Variants in RPS6KA2 observed in about 807,000 individuals in gnomAD.
RPS6KA2 encodes ribosomal protein S6 kinase alpha-2.
RPS6KA2 carries 42 observed loss-of-function variants against 91.8 expected under a neutral mutation model. The ratio of observed to expected loss-of-function variants is 0.46; its 90% CI spans 0.36 to 0.59. The LOEUF is 0.59. RPS6KA2 is among the 20% of genes least tolerant of loss of function. The probability of loss-of-function intolerance (pLI) is 0.00; values close to 1 mark genes in which losing one functional copy is unlikely to be tolerated. For synonymous variants in RPS6KA2, 414 were observed against 393.6 expected, an observed-to-expected ratio of 1.05 and a Z score of -0.61; for missense variants, 798 against 978.5, an observed-to-expected ratio of 0.82 and a Z score of 2.46.
chr6:166,478,637 G>A (rs977921876), intron 10 of RPS6KA2, among the ~76,000 whole-genome samples: 1 of 152,160 alleles, frequency 6.6e-6, no homozygotes, highest in Non-Finnish European at 1.5e-5. Context: ...TGGCTCCTCG[G>A]CTATTGTGCA....
At chr6:166,523,868 G>A (rs1215988666) in intron 3 of RPS6KA2, among the ~76,000 whole-genome samples, 4 of 152,174 alleles carry the variant, frequency 2.6e-5, no homozygotes, top group South Asian at 4.1e-4. Flanking sequence ...GGCTAACTCC[G>A]AGGAGGTTCT....
At position 166,767,003 on chromosome 6, in the gene RPS6KA2, G is replaced by A. The variant is rs1329604619; in HGVS notation, c.123+91197C>T. Among the ~76,000 whole-genome samples the A allele has an allele frequency of 6.6e-6, 1 of 151,964 alleles. No homozygotes were observed. The highest frequency in any genetic ancestry group is 1.5e-5 in the Non-Finnish European group (1 of 68,002). On this transcript the variant is annotated intron_variant, in intron 2 of 21. Coordinates refer to the RPS6KA2 transcript ENST00000503859. The surrounding 1 kb of genome is among the most constrained non-coding windows in gnomAD (Gnocchi z 4.6). ...CCAAAGAATGTGCCTCCCCACCCCCGAACCCTGCTGCACCCAGAAGTCTGC... is the reference window on the plus strand; with the variant it reads ...CCAAAGAATGTGCCTCCCCACCCCCAAACCCTGCTGCACCCAGAAGTCTGC...
At chr6:166,763,661 TC>T (rs1778230078) in intron 2 of RPS6KA2, among the ~76,000 whole-genome samples, 1 of 152,220 alleles carries the variant, frequency 6.6e-6, no homozygotes. Flanking sequence ...GAAAGAGCTG[TC>T]AATTTCTTTA....
intron 1 of RPS6KA2, among the ~76,000 whole-genome samples, chr6:166,550,808 C>T (rs577207099): frequency 5.9e-5 from 9 of 152,048 alleles, no homozygotes; most frequent in Middle Eastern, 3.4e-3. Flanking sequence ...CGACACCATC[C>T]TGGCTAACAC....
chr6:166,773,546 C>T (rs1324532548), intron 2 of RPS6KA2, among the ~76,000 whole-genome samples: 4 of 151,988 alleles, frequency 2.6e-5, no homozygotes, highest in East Asian at 1.9e-4. Context: ...GGATTACAGG[C>T]GCCCACCACC....
rs968666282 is a variant in RPS6KA2 at position 166,767,903 on chromosome 6, C to T, written c.123+90297G>A. Among the ~76,000 whole-genome samples the T allele has an allele frequency of 3.3e-5, 5 of 152,174 alleles. No individual in the cohort carries two copies. The highest frequency in any genetic ancestry group is 6.8e-3 in the Middle Eastern group (2 of 294). On this transcript the variant is annotated intron_variant, in intron 2 of 21. Coordinates refer to the RPS6KA2 transcript ENST00000503859. The surrounding 1 kb of genome is among the most constrained non-coding windows in gnomAD (Gnocchi z 4.6). ...CTGCTCTCACTGTTTGGGTGCAAACCTTGGGGGTTTTATTTTTCCACGACT... is the reference window on the plus strand; with the variant it reads ...CTGCTCTCACTGTTTGGGTGCAAACTTTGGGGGTTTTATTTTTCCACGACT...
chr6:166,764,131 G>A (rs1249669238), intron 2 of RPS6KA2, among the ~76,000 whole-genome samples: 3 of 152,198 alleles, frequency 2.0e-5, no homozygotes, highest in Non-Finnish European at 4.4e-5. Context: ...ACCACGCGGT[G>A]CTGGGACTCC....
At chr6:166,572,092 A>T (rs1431542829) in intron 1 of RPS6KA2, among the ~76,000 whole-genome samples, 2 of 152,226 alleles carry the variant, frequency 1.3e-5, no homozygotes, top group African/African-American at 4.8e-5. Flanking sequence ...TTAAACACAA[A>T]ATTCTATGTT....
intron 1 of RPS6KA2, among the ~76,000 whole-genome samples, chr6:166,607,742 A>T (rs1786005962): frequency 6.6e-6 from 1 of 152,240 alleles, no homozygotes; most frequent in Non-Finnish European, 1.5e-5. Flanking sequence ...GGTGAATTGT[A>T]TGGTATGTGA....
At chr6:166,725,373 ATAT>A (rs1302544522) in intron 2 of RPS6KA2, among the ~76,000 whole-genome samples, 1 of 152,326 alleles carries the variant, frequency 6.6e-6, no homozygotes, top group East Asian at 1.9e-4. Context: ...CAAAATGTAA[ATAT>A]TATAATGACA....
At chr6:166,625,323 ACCCCCCCAC>A (rs1295190563) in intron 1 of RPS6KA2, among the ~76,000 whole-genome samples, 1 of 30,350 alleles carries the variant, frequency 3.3e-5, no homozygotes, top group Non-Finnish European at 6.2e-5. Context: ...TATTCCCACC[ACCCCCCCAC>A]CCCCCCCCCC....
intron 5 of RPS6KA2, among the ~76,000 whole-genome samples, chr6:166,507,173 G>A (rs893795360): frequency 6.6e-6 from 1 of 152,082 alleles, no homozygotes; most frequent in African/African-American, 2.4e-5. Flanking sequence ...AGGATGGAAA[G>A]TGAGACCCTG....
chr6:166,792,002 A>G (rs1057465949), intron 2 of RPS6KA2, among the ~76,000 whole-genome samples: 1 of 152,166 alleles, frequency 6.6e-6, no homozygotes, highest in African/African-American at 2.4e-5. Context: ...GAAGGCAAGA[A>G]ATAACTAAGA....
At chr6:166,501,570 G>A (rs556508980) in intron 6 of RPS6KA2, among the ~76,000 whole-genome samples, 1 of 152,340 alleles carries the variant, frequency 6.6e-6, no homozygotes, top group South Asian at 2.1e-4. Context: ...TGCCGGACGT[G>A]ACAGTTGCCT....
At chr6:166,739,434 C>G (rs1790751388) in intron 2 of RPS6KA2, among the ~76,000 whole-genome samples, 1 of 152,204 alleles carries the variant, frequency 6.6e-6, no homozygotes, top group African/African-American at 2.4e-5. Flanking sequence ...AACCCTTAAG[C>G]CTCCCACTAA....
At chr6:166,826,686 CT>C (rs1226209056) in intron 2 of RPS6KA2, among the ~76,000 whole-genome samples, 1 of 152,198 alleles carries the variant, frequency 6.6e-6, no homozygotes, top group Non-Finnish European at 1.5e-5. Context: ...ATAAAACTGT[CT>C]TCATTGACCT....
intron 1 of RPS6KA2, among the ~76,000 whole-genome samples, chr6:166,579,303 G>A (rs2128514672): frequency 6.6e-6 from 1 of 152,256 alleles, no homozygotes; most frequent in South Asian, 2.1e-4. Flanking sequence ...GTTGAGATGG[G>A]CCCAACAGGT....
chr6:166,753,463 A>G (rs1402935590), intron 2 of RPS6KA2, among the ~76,000 whole-genome samples: 1 of 152,216 alleles, frequency 6.6e-6, no homozygotes, highest in Non-Finnish European at 1.5e-5. Flanking sequence ...AATGTCCTAT[A>G]TTTATATAAA....
intron 2 of RPS6KA2, among the ~76,000 whole-genome samples, chr6:166,811,537 T>C (rs779400167): frequency 6.6e-6 from 1 of 152,158 alleles, no homozygotes; most frequent in Non-Finnish European, 1.5e-5. Flanking sequence ...GGTGGGAGGA[T>C]CACTTGAGCC....
Sources: allele counts gnomAD v4.1 joint callset (sites outside exome capture counted in the v4.1 genomes callset), GRCh38; gene constraint gnomAD v4.1.1; non-coding constraint Gnocchi (gnomAD v3.1); transcripts MANE v1.5; gene names NCBI Gene and HGNC (gene_info 2026-07-23, HGNC 2026-07-21).